Variants in ALK observed in about 807,000 individuals in gnomAD.
The protein encoded by ALK is ALK receptor tyrosine kinase, also known as ALK tyrosine kinase receptor.
Under a neutral mutation model 163.1 loss-of-function variants are expected in ALK, and 74 were observed. The observed-to-expected ratio is 0.45, with a 90% CI of 0.38 to 0.55. The LOEUF (loss-of-function observed/expected upper bound fraction) is 0.55, where lower values mean the gene tolerates loss of function less well. Among genes scored for constraint, ALK ranks in the 20% least tolerant of loss-of-function variants. The probability of loss-of-function intolerance (pLI) is 0.00; values close to 1 mark genes in which losing one functional copy is unlikely to be tolerated. For missense variants in ALK, 2,063 were observed against 2,105.3 expected (o/e 0.98, Z 0.39); for synonymous variants, 960 against 843.2 (o/e 1.14, Z -2.40).
At chr2:29,764,002 T>C (rs561404928) in intron 1 of ALK, among the ~76,000 whole-genome samples, 1 of 152,140 alleles carries the variant, frequency 6.6e-6, no homozygotes, top group Non-Finnish European at 1.5e-5. Flanking sequence ...TGGAGATCAC[T>C]ATCTCCAAGA....
intron 1 of ALK, among the ~76,000 whole-genome samples, chr2:29,819,558 G>A (rs747043294): frequency 5.3e-5 from 8 of 152,196 alleles, no homozygotes; most frequent in South Asian, 2.1e-4. Context: ...TGTTTTCACC[G>A]CTGACTGCAT....
intron 5 of ALK, among the ~76,000 whole-genome samples, chr2:29,354,917 C>T (rs1036133521): frequency 5.3e-5 from 8 of 152,110 alleles, no homozygotes; most frequent in Non-Finnish European, 2.9e-5. Flanking sequence ...CAGGTGCCTG[C>T]CACCGCGCCT....
chr2:29,272,096 G>T lies in ALK; in HGVS notation c.2041+3003C>A, dbSNP rs571504923. Among the ~76,000 whole-genome samples, 3 of 151,466 alleles carry T rather than the reference G, an allele frequency of 2.0e-5. No homozygotes were observed. In the East Asian group the frequency reaches 5.9e-4, roughly 30 times the overall value. On this transcript the variant is annotated intron_variant, in intron 11 of 28. Transcript: ENST00000389048. ...CAGAGCCTGACTGTTCCTCCTCACT[G>T]CTAACATTCATTACTGCCAGAGAGA... is the stretch of plus-strand genomic sequence containing the variant.
intron 23 of ALK, among the ~76,000 whole-genome samples, chr2:29,219,917 G>C (rs1669755855): frequency 6.6e-6 from 1 of 152,186 alleles, no homozygotes. Flanking sequence ...GGAATGTCCA[G>C]GTATTATTAT....
intron 3 of ALK, among the ~76,000 whole-genome samples, chr2:29,690,611 G>A (rs948610358): frequency 3.3e-5 from 5 of 152,170 alleles, no homozygotes; most frequent in African/African-American, 9.7e-5. Flanking sequence ...GCCTCCATCT[G>A]ATGGTTCTTC....
At chr2:29,784,314 T>G (rs1056465970) in intron 1 of ALK, among the ~76,000 whole-genome samples, 6 of 152,220 alleles carry the variant, frequency 3.9e-5, no homozygotes, top group Non-Finnish European at 7.3e-5. Flanking sequence ...ATGCTGCATA[T>G]ACATTTTCTA....
At position 29,527,639 on chromosome 2, in the gene ALK, C is replaced by G. The variant is rs140120864; in HGVS notation, c.1154+4276G>C. Among the ~76,000 whole-genome samples the G allele has an allele frequency of 4.6e-3, 697 of 152,220 alleles. 6 individuals are homozygous for G. Among genetic ancestry groups the G allele is most frequent in the African/African-American group, 0.015 (638 of 41,526 alleles). ...CCTCCTGCCTCAGCCTCATGAATAG[C>G]TGGGATTACAGGCATGTACCACCAT... is the stretch of plus-strand genomic sequence containing the variant. On this transcript the variant is annotated intron_variant, in intron 4 of 28. Coordinates refer to ENST00000389048, the MANE Select transcript of ALK (RefSeq NM_004304.5).
intron 1 of ALK, among the ~76,000 whole-genome samples, chr2:29,762,399 A>C (rs950057413): frequency 1.3e-5 from 2 of 152,242 alleles, no homozygotes; most frequent in Non-Finnish European, 2.9e-5. Flanking sequence ...TCGTTGCTGA[A>C]ATAACTAATC....
chr2:29,675,739 G>A (rs930123980), intron 3 of ALK, among the ~76,000 whole-genome samples: 9 of 151,962 alleles, frequency 5.9e-5, no homozygotes, highest in Admixed American at 5.9e-4. Context: ...ATACCTTTCT[G>A]AGTATACCTC....
chr2:29,604,085 G>C (rs993287740), intron 3 of ALK, among the ~76,000 whole-genome samples: 4 of 151,912 alleles, frequency 2.6e-5, no homozygotes, highest in Non-Finnish European at 5.9e-5. Context: ...TCTAGCACAG[G>C]GTGGGCAAAT....
intron 3 of ALK, among the ~76,000 whole-genome samples, chr2:29,617,828 G>T (rs1158470909): frequency 1.3e-5 from 2 of 152,180 alleles, no homozygotes; most frequent in African/African-American, 4.8e-5. Context: ...CTAACAGTAT[G>T]TGCATGTGAC....
chr2:29,553,659 A>T (rs1364267329), intron 3 of ALK, among the ~76,000 whole-genome samples: 4 of 151,866 alleles, frequency 2.6e-5, no homozygotes, highest in South Asian at 2.1e-4. Flanking sequence ...ATAGAACTGA[A>T]CTCTTGATTT....
At chr2:29,830,222 C>T (rs1302849043) in intron 1 of ALK, among the ~76,000 whole-genome samples, 1 of 152,168 alleles carries the variant, frequency 6.6e-6, no homozygotes, top group African/African-American at 2.4e-5. Flanking sequence ...CACAAAGAGA[C>T]CAATGGCAAG....
At chr2:29,550,185 G>A (rs1673678243) in intron 3 of ALK, among the ~76,000 whole-genome samples, 1 of 152,276 alleles carries the variant, frequency 6.6e-6, no homozygotes, top group African/African-American at 2.4e-5. Flanking sequence ...CATTTTGCAA[G>A]GTTTACTGCA....
At chr2:29,264,904 G>A (rs923805719) in intron 11 of ALK, among the ~76,000 whole-genome samples, 6 of 152,180 alleles carry the variant, frequency 3.9e-5, no homozygotes, top group African/African-American at 1.4e-4. Flanking sequence ...CTTCTGAGGA[G>A]CTGGCGCACA....
intron 4 of ALK, among the ~76,000 whole-genome samples, chr2:29,404,042 G>A (rs182215246): frequency 1.3e-5 from 2 of 151,876 alleles, no homozygotes; most frequent in African/African-American, 2.4e-5. Context: ...GTTAGCTCAC[G>A]CCTGTAATCC....
chr2:29,739,302 GTAA>G (rs1679983858), intron 1 of ALK, among the ~76,000 whole-genome samples: 1 of 136,870 alleles, frequency 7.3e-6, no homozygotes, highest in Non-Finnish European at 1.5e-5. Flanking sequence ...GCTCACACCT[GTAA>G]TCCCAGCACG....
intron 26 of ALK, among the ~76,000 whole-genome samples, chr2:29,200,753 GTATATATGTATA>G (rs1669143532): frequency 1.4e-5 from 1 of 71,764 alleles, no homozygotes. Flanking sequence ...ATATATATAC[GTATATATGTATA>G]TATATACGTA....
At chr2:29,829,277 C>T (rs985320448) in intron 1 of ALK, among the ~76,000 whole-genome samples, 12 of 149,460 alleles carry the variant, frequency 8.0e-5, no homozygotes, top group South Asian at 2.1e-4. Context: ...CTAACCTGCA[C>T]GTTGTGCTCA....
Sources: gnomAD v4.1 joint callset for allele counts (sites outside exome capture counted in the v4.1 genomes callset) on GRCh38, gnomAD v4.1.1 for gene constraint, MANE v1.5 for transcripts, NCBI Gene and HGNC (gene_info 2026-07-23, HGNC 2026-07-21) for gene names.